The following MACF1 variants were observed in gnomAD, a reference collection of about 807,000 sequenced individuals.
The protein encoded by MACF1 is microtubule-actin cross-linking factor 1.
A neutral mutation model predicts 854.8 loss-of-function variants in MACF1; 193 were observed. That is an observed-to-expected ratio of 0.23 (90% CI 0.20 to 0.25). The LOEUF is 0.25. Among genes scored for constraint, MACF1 ranks in the 10% least tolerant of loss-of-function variants. MACF1 has a pLI of 1.00. For missense variants in MACF1, 7,722 were observed against 8,929.1 expected, an observed-to-expected ratio of 0.86 and a Z score of 5.45; for synonymous variants, 3,185 against 3,226.7, an observed-to-expected ratio of 0.99 and a Z score of 0.44.
intron 25 of MACF1, 63 bp from the exon 26 acceptor site, chr1:39,310,768 G>T: frequency 2.7e-6 from 4 of 1,459,584 alleles, no homozygotes; most frequent in African/African-American, 2.8e-5. Context: ...TCATTAGTAG[G>T]ATATCAGGTC....
rs745911075 is a variant in MACF1, at chr1:39,477,045, GTATATATATATA to G, written c.21959-2718_21959-2707del. Among the ~76,000 whole-genome samples the G allele has an allele frequency of 6.9e-3, 438 of 63,746 alleles. 6 individuals are homozygous for G. Among genetic ancestry groups the G allele is most frequent in the South Asian group, 0.013 (19 of 1,504 alleles). 41.8% of individuals were successfully genotyped at this position (63,746 alleles called of 152,430 possible). A position where few individuals can be genotyped will look rare whatever the true frequency, so the allele number is the denominator to read the frequency against. On this transcript the variant is annotated intron_variant, in intron 97 of 100. Coordinates refer to ENST00000564288, the MANE Select transcript of MACF1 (RefSeq NM_001394062.1). ...ATACACACACATATATACACTTAGTGTATATATATATATATATATATATATATATATATATAT... is the reference window on the plus strand; with the variant it reads ...ATACACACACATATATACACTTAGTGTATATATATATATATATATATATAT...
chr1:39,264,742 C>T (rs1329352055), intron 6 of MACF1, among the ~76,000 whole-genome samples: 6 of 147,252 alleles, frequency 4.1e-5, no homozygotes, highest in Admixed American at 2.8e-4. Flanking sequence ...GGCACAATCT[C>T]GGCTCACTGC....
intron 100 of MACF1, 65 bp downstream of exon 100, chr1:39,484,795 T>A: frequency 6.3e-7 from 1 of 1,593,854 alleles, no homozygotes. Context: ...CTATGTGGAA[T>A]GTTTCACTGC....
chr1:39,455,888 G>A (rs1203553701), intron 89 of MACF1, among the ~76,000 whole-genome samples: 1 of 152,212 alleles, frequency 6.6e-6, no homozygotes, highest in African/African-American at 2.4e-5. Flanking sequence ...ATTCAAGCGT[G>A]AATGTTGATT....
In MACF1 at chr1:39,250,050, C is replaced by T. The variant is rs377731994; in HGVS notation, c.208C>T (p.Arg70Trp). Residue 70 changes from arginine to tryptophan, a missense_variant, in exon 3 of 101, where the codon CGG (arginine) becomes TGG (tryptophan). By Grantham distance (101) the Arg-to-Trp change is moderately radical. This residue lies in a region of MACF1 where 82 missense variants were observed against 84.0 expected (regional missense o/e 0.98). Coordinates refer to ENST00000564288, the MANE Select transcript of MACF1 (RefSeq NM_001394062.1). ...CATCAATGATCTTTATGAAGATCTGCGGGATGGCCATAACCTGATCTCTCT... is the reference window on the plus strand; with the variant it reads ...CATCAATGATCTTTATGAAGATCTGTGGGATGGCCATAACCTGATCTCTCT... ...KHINDLYEDL[R>W]DGHNLISLLE... 6.2e-6 allele frequency: 10 copies of T among 1,613,388 alleles called. No individual in the cohort carries two copies. The highest frequency in any genetic ancestry group is 1.7e-5 in the Admixed American group (1 of 59,936).
chr1:39,188,364 C>T (rs1046587557), intron 2 of MACF1, among the ~76,000 whole-genome samples: 16 of 152,068 alleles, frequency 1.1e-4, no homozygotes, highest in African/African-American at 2.4e-4. Context: ...GCTGAGACTG[C>T]GCCACTACAC....
chr1:39,463,344 G>C (rs1196109125), intron 93 of MACF1, among the ~76,000 whole-genome samples: 1 of 152,114 alleles, frequency 6.6e-6, no homozygotes, highest in African/African-American at 2.4e-5. Flanking sequence ...CAAAAAATTA[G>C]CTGGGCCTGG....
At chr1:39,134,102 G>A (rs1460065677) in intron 2 of MACF1, among the ~76,000 whole-genome samples, 2 of 144,516 alleles carry the variant, frequency 1.4e-5, no homozygotes, top group African/African-American at 2.5e-5. Flanking sequence ...GTGCAGTGGC[G>A]GGATCTCAGC....
intron 33 of MACF1, 140 bp downstream of exon 33, chr1:39,323,148 T>C: frequency 1.4e-6 from 1 of 735,890 alleles, no homozygotes; most frequent in Non-Finnish European, 2.4e-6. Flanking sequence ...GAATCCAGCA[T>C]GGGTGACATA....
intron 52 of MACF1, 55 bp downstream of exon 52, chr1:39,372,651 C>T (rs745389413): frequency 8.8e-7 from 1 of 1,133,536 alleles, no homozygotes; most frequent in Non-Finnish European, 1.3e-6. Context: ...TGCTTTTGGC[C>T]TTTGGAGATG....
At chr1:39,220,067 T>G (rs1644630322) in intron 1 of MACF1, among the ~76,000 whole-genome samples, 1 of 152,084 alleles carries the variant, frequency 6.6e-6, no homozygotes, top group Non-Finnish European at 1.5e-5. Context: ...AATACCATCT[T>G]AATGTGTCTT....
upstream of MACF1, among the ~76,000 whole-genome samples, chr1:39,202,306 G>A (rs1264585886): frequency 3.3e-5 from 5 of 150,166 alleles, no homozygotes; most frequent in Non-Finnish European, 7.4e-5. Context: ...TATTAGACGA[G>A]CCTTCTCTGA....
At chr1:39,219,827 T>C (rs1393625325) in intron 1 of MACF1, among the ~76,000 whole-genome samples, 2 of 152,050 alleles carry the variant, frequency 1.3e-5, no homozygotes, top group Admixed American at 6.6e-5. Context: ...CTCAGCTCAC[T>C]GCAACCTCTG....
intron 98 of MACF1, 29 bp from the exon 99 acceptor site, chr1:39,480,891 G>A (rs1338309532): frequency 8.2e-7 from 1 of 1,226,974 alleles, no homozygotes. Context: ...AATTGTTCCT[G>A]TCCTTCCCTT....
intron 20 of MACF1, among the ~76,000 whole-genome samples, chr1:39,296,780 G>GAAAGGAAGGAAGGAAGGA (rs1645916675): frequency 2.8e-5 from 2 of 71,706 alleles, no homozygotes; most frequent in South Asian, 5.2e-4. Context: ...GGAAAAGAAA[G>GAAAGGAAGGAAGGAAGGA]AAAGAAAGAA....
In MACF1 at chr1:39,341,652, C is replaced by G. The variant is rs113767529; in HGVS notation, c.10581+699C>G. Among the ~76,000 whole-genome samples the G allele has an allele frequency of 3.1e-3, 469 of 151,836 alleles. 3 individuals carry two copies. Among genetic ancestry groups the G allele is most frequent in the Middle Eastern group, 6.8e-3 (2 of 294 alleles). On this transcript the variant is annotated intron_variant, in intron 40 of 100. Coordinates refer to ENST00000564288, the MANE Select transcript of MACF1 (RefSeq NM_001394062.1). ...AGCAGAGGTTGCAGTGAGCCAAGAC[C>G]GCGCCATTGCACTCCAGCTTGGGCA...
intron 58 of MACF1, among the ~76,000 whole-genome samples, chr1:39,408,801 G>A (rs1642829357): frequency 6.6e-6 from 1 of 152,006 alleles, no homozygotes; most frequent in African/African-American, 2.4e-5. Flanking sequence ...GGCGTGGGCT[G>A]CGGGAGCCGA....
chr1:39,097,993 C>A (rs1641977732), intron 2 of MACF1, among the ~76,000 whole-genome samples: 2 of 152,106 alleles, frequency 1.3e-5, no homozygotes, highest in Non-Finnish European at 2.9e-5. Context: ...TTAAAAAAAG[C>A]CACACCTCAC....
chr1:39,130,679 G>T (rs1191888187), intron 2 of MACF1, among the ~76,000 whole-genome samples: 3 of 152,094 alleles, frequency 2.0e-5, no homozygotes, highest in African/African-American at 7.2e-5. Context: ...ATTTTGAGCA[G>T]CATCATTTGG....
Sources: allele counts gnomAD v4.1 joint callset (sites outside exome capture counted in the v4.1 genomes callset), GRCh38; gene constraint gnomAD v4.1.1; regional missense constraint gnomAD v4.1.1; transcripts MANE v1.5; gene names NCBI Gene and HGNC (gene_info 2026-07-23, HGNC 2026-07-21).